ELOVL6: variants seen among roughly 807,000 people sequenced by gnomAD.
ELOVL6 encodes very long chain fatty acid elongase 6.
Under a neutral mutation model 31.7 loss-of-function variants are expected in ELOVL6, and 8 were observed. The observed-to-expected ratio is 0.25, with a 90% CI of 0.15 to 0.45. The LOEUF (loss-of-function observed/expected upper bound fraction) is 0.45, where lower values mean the gene tolerates loss of function less well. ELOVL6 is among the 20% of genes least tolerant of loss of function. The pLI, the probability that ELOVL6 is intolerant of heterozygous loss-of-function variation, is 1.00. For synonymous variants in ELOVL6, 101 were observed against 117.7 expected (o/e 0.86, Z 0.92); for missense variants, 126 against 326.4 (o/e 0.39, Z 4.73).
intron 1 of ELOVL6, among the ~76,000 whole-genome samples, chr4:110,167,066 C>T (rs1288729007): frequency 6.6e-6 from 1 of 152,162 alleles, no homozygotes; most frequent in Non-Finnish European, 1.5e-5. Context: ...GTCAGGCACA[C>T]TCTCATCATT....
At chr4:110,116,889 C>A (rs1757183665) in intron 1 of ELOVL6, among the ~76,000 whole-genome samples, 1 of 152,184 alleles carries the variant, frequency 6.6e-6, no homozygotes, top group African/African-American at 2.4e-5. Context: ...TTCTTTCCTG[C>A]AATGCTTCCT....
chr4:110,128,914 A>G (rs190774844), intron 1 of ELOVL6, among the ~76,000 whole-genome samples: 1 of 152,348 alleles, frequency 6.6e-6, no homozygotes, highest in Admixed American at 6.5e-5. Flanking sequence ...GGAAGATACA[A>G]GAAAGGCTGG....
At chr4:110,170,420 C>T (rs1758909814) in intron 1 of ELOVL6, among the ~76,000 whole-genome samples, 1 of 152,188 alleles carries the variant, frequency 6.6e-6, no homozygotes, top group Non-Finnish European at 1.5e-5. Flanking sequence ...TTTGTAACCT[C>T]CAAATCAATA....
rs138104384 is a variant in ELOVL6 at position 110,187,695 on chromosome 4, T to TAA, written c.89+10550_89+10551dup. On this transcript the variant is annotated intron_variant, in intron 1 of 3. Transcript: ENST00000302274. The stretch of plus-strand genomic sequence containing the variant: ...TGGGTAACAGGAATGAAACTCCATC[T>TAA]AAAAAAAAAAAAAAAAAATTGTAAT... 1.3e-4 allele frequency among the ~76,000 whole-genome samples: 17 copies of TAA among 130,138 alleles called. No homozygotes were observed. The East Asian group carries it at 1.4e-3, about 10-fold the overall frequency. 85.4% of individuals were successfully genotyped at this position (130,138 alleles called of 152,430 possible). A position where few individuals can be genotyped will look rare whatever the true frequency, so the allele number is the denominator to read the frequency against.
chr4:110,104,235 G>C (rs1756825600), intron 2 of ELOVL6, among the ~76,000 whole-genome samples: 1 of 152,110 alleles, frequency 6.6e-6, no homozygotes, highest in Non-Finnish European at 1.5e-5. Context: ...AAATACTTCA[G>C]GTGAGGCATA....
At chr4:110,139,334 T>C (rs1461488153) in intron 1 of ELOVL6, among the ~76,000 whole-genome samples, 1 of 152,204 alleles carries the variant, frequency 6.6e-6, no homozygotes, top group Non-Finnish European at 1.5e-5. Flanking sequence ...GGCTCCAGTC[T>C]GTCAATATTT....
chr4:110,075,359 A>G (rs975262059), intron 2 of ELOVL6, among the ~76,000 whole-genome samples: 2 of 152,250 alleles, frequency 1.3e-5, no homozygotes, highest in African/African-American at 4.8e-5. Context: ...GCAACAGATG[A>G]AAGCAACCTA....
intron 2 of ELOVL6, among the ~76,000 whole-genome samples, chr4:110,092,205 TC>T (rs1301105049): frequency 6.6e-6 from 1 of 152,084 alleles, no homozygotes; most frequent in African/African-American, 2.4e-5. Flanking sequence ...ATATGCAAAA[TC>T]AAGTCAGATC....
At chr4:110,120,835 C>G (rs991630784) in intron 1 of ELOVL6, among the ~76,000 whole-genome samples, 4 of 138,628 alleles carry the variant, frequency 2.9e-5, no homozygotes, top group Admixed American at 2.4e-4. Flanking sequence ...GAGTCTCGCT[C>G]TATCCCCCTG....
chr4:110,132,237 A>G (rs1757689451), intron 1 of ELOVL6, among the ~76,000 whole-genome samples: 1 of 152,080 alleles, frequency 6.6e-6, no homozygotes, highest in Non-Finnish European at 1.5e-5. Flanking sequence ...TGGCAGTGGC[A>G]ATGTGAAGGG....
In ELOVL6 at chr4:110,193,597, C is replaced by G. The variant is rs140966587; in HGVS notation, c.89+4650G>C. 4.6e-5 allele frequency among the ~76,000 whole-genome samples: 7 copies of G among 152,090 alleles called. 1 individual carries two copies. The highest frequency in any genetic ancestry group is 3.9e-4 in the Admixed American group (6 of 15,262). On this transcript the variant is annotated intron_variant, in intron 1 of 3. Transcript: ENST00000302274. Reference sequence around the variant, plus strand: ...CCAGCCTGGGCAACAGAGTGAGACCCTGTCTCAAAAATAAAACAAAATAAA... The same window carrying G: ...CCAGCCTGGGCAACAGAGTGAGACCGTGTCTCAAAAATAAAACAAAATAAA...
intron 2 of ELOVL6, among the ~76,000 whole-genome samples, chr4:110,082,207 C>G (rs1226531750): frequency 6.6e-6 from 1 of 151,666 alleles, no homozygotes; most frequent in Non-Finnish European, 1.5e-5. Flanking sequence ...GGATCTAGAA[C>G]TAGAAATACC....
At chr4:110,066,431 T>G (rs1221162825) in intron 2 of ELOVL6, among the ~76,000 whole-genome samples, 1 of 151,254 alleles carries the variant, frequency 6.6e-6, no homozygotes, top group African/African-American at 2.4e-5. Flanking sequence ...GGTCAGGAGA[T>G]CGAGATCATC....
intron 1 of ELOVL6, among the ~76,000 whole-genome samples, chr4:110,128,676 C>T (rs1757581659): frequency 6.6e-6 from 1 of 152,234 alleles, no homozygotes; most frequent in African/African-American, 2.4e-5. Flanking sequence ...AACAGTTTCA[C>T]TCAGACACTT....
At chr4:110,071,857 G>A (rs574027318) in intron 2 of ELOVL6, among the ~76,000 whole-genome samples, 78 of 152,312 alleles carry the variant, frequency 5.1e-4, no homozygotes, top group Admixed American at 1.0e-3. Context: ...TTAAATACAG[G>A]GATATACAGA....
intron 1 of ELOVL6, among the ~76,000 whole-genome samples, chr4:110,160,231 A>C (rs1390750045): frequency 6.6e-6 from 1 of 152,150 alleles, no homozygotes; most frequent in Non-Finnish European, 1.5e-5. Context: ...AGCTCCTTAC[A>C]GGTAGAGCAT....
upstream of ELOVL6, chr4:110,198,625 T>G (rs1208959417): frequency 2.9e-6 from 1 of 346,038 alleles, no homozygotes; most frequent in Non-Finnish European, 5.3e-6. Flanking sequence ...TGCCCGCACG[T>G]TTGTCCATCA....
intron 1 of ELOVL6, among the ~76,000 whole-genome samples, chr4:110,132,998 GT>G (rs1187297546): frequency 2.0e-5 from 3 of 152,160 alleles, no homozygotes; most frequent in Admixed American, 6.5e-5. Flanking sequence ...CTGGGTGGTG[GT>G]GGTTGAAGTC....
At chr4:110,139,060 G>C (rs1223248831) in intron 1 of ELOVL6, among the ~76,000 whole-genome samples, 2 of 152,138 alleles carry the variant, frequency 1.3e-5, no homozygotes. Flanking sequence ...CAGGGTTGAA[G>C]ATTGTGGCAA....
Sources: gnomAD v4.1 joint callset for allele counts (sites outside exome capture counted in the v4.1 genomes callset) on GRCh38, gnomAD v4.1.1 for gene constraint, MANE v1.5 for transcripts, NCBI Gene and HGNC (gene_info 2026-07-23, HGNC 2026-07-21) for gene names.